DIS3L2: variants seen among roughly 807,000 people sequenced by gnomAD.
DIS3L2 encodes DIS3 like 3'-5' exoribonuclease 2, also known as DIS3-like exonuclease 2.
In DIS3L2, 34 loss-of-function variants were observed where a neutral mutation model predicts 97.5. The observed-to-expected ratio is 0.35, with a 90% CI of 0.27 to 0.46. The LOEUF (loss-of-function observed/expected upper bound fraction) is 0.46, where lower values mean the gene tolerates loss of function less well. DIS3L2 is among the 20% of genes least tolerant of loss of function. DIS3L2 has a pLI of 1.00. For synonymous variants in DIS3L2, 435 were observed against 445.2 expected (o/e 0.98, Z 0.29); for missense variants, 1,038 against 1,146.0 (o/e 0.91, Z 1.36).
chr2:231,963,129 C>T (rs530455295), intron 1 of DIS3L2, among the ~76,000 whole-genome samples: 1 of 152,208 alleles, frequency 6.6e-6, no homozygotes, highest in Non-Finnish European at 1.5e-5. Context: ...AATGGTGGCT[C>T]TTTAAGTTCT....
intron 5 of DIS3L2, among the ~76,000 whole-genome samples, chr2:232,080,522 C>A (rs972917578): frequency 6.6e-6 from 1 of 152,200 alleles, no homozygotes; most frequent in Non-Finnish European, 1.5e-5. Flanking sequence ...ACAGTCATAA[C>A]GAATTAATGA....
chr2:232,033,760 T>G (rs573750066), intron 5 of DIS3L2, among the ~76,000 whole-genome samples: 19 of 152,336 alleles, frequency 1.2e-4, no homozygotes, highest in Admixed American at 5.9e-4. Context: ...GTTTATGTGA[T>G]GGATTACATT....
At chr2:232,220,771 AGATC>A (rs746036268) in intron 10 of DIS3L2, among the ~76,000 whole-genome samples, 2 of 152,166 alleles carry the variant, frequency 1.3e-5, no homozygotes, top group Non-Finnish European at 2.9e-5. Context: ...GGTAGCAGAT[AGATC>A]TTAATGCCAT....
At chr2:232,010,722 G>T (rs1342795947) in intron 1 of DIS3L2, among the ~76,000 whole-genome samples, 2 of 152,120 alleles carry the variant, frequency 1.3e-5, no homozygotes, top group Non-Finnish European at 2.9e-5. Context: ...GATGCATAAG[G>T]CACAAAAATT....
chr2:232,004,765 A>T (rs1420410740), intron 1 of DIS3L2, among the ~76,000 whole-genome samples: 3 of 151,966 alleles, frequency 2.0e-5, no homozygotes, highest in African/African-American at 7.3e-5. Context: ...TGTTTTTAGT[A>T]GAGACGGGGT....
At chr2:232,233,230 G>T (rs370611383) in intron 10 of DIS3L2, among the ~76,000 whole-genome samples, 1 of 152,180 alleles carries the variant, frequency 6.6e-6, no homozygotes, top group African/African-American at 2.4e-5. Flanking sequence ...CTAAAACAAC[G>T]GATTTATTCC....
At chr2:232,255,131 C>T (rs1693525247) in intron 12 of DIS3L2, among the ~76,000 whole-genome samples, 1 of 152,156 alleles carries the variant, frequency 6.6e-6, no homozygotes, top group Non-Finnish European at 1.5e-5. Context: ...GCTGGGGGAA[C>T]AAAGTTCGGA....
At chr2:232,234,645 A>G (rs544678878) in intron 10 of DIS3L2, among the ~76,000 whole-genome samples, 4 of 152,316 alleles carry the variant, frequency 2.6e-5, no homozygotes, top group East Asian at 1.9e-4. Context: ...TATTATTTTT[A>G]TGATCATCAT....
chr2:232,267,095 A>C (rs939710159), intron 13 of DIS3L2, among the ~76,000 whole-genome samples: 1 of 152,204 alleles, frequency 6.6e-6, no homozygotes, highest in Admixed American at 6.5e-5. Context: ...GCAGTTGGCA[A>C]CTTAGACCGG....
intron 11 of DIS3L2, among the ~76,000 whole-genome samples, chr2:232,246,380 A>G (rs1408434216): frequency 6.6e-6 from 1 of 152,230 alleles, no homozygotes. Flanking sequence ...GCACACAGAC[A>G]GGTGAAGGGG....
chr2:232,334,488 G>T lies in DIS3L2; in HGVS notation c.2278G>T (p.Val760Phe). ...GCTCAGTACCAGTCTCTTCTTTGCTGTTCTGGTCAAGGTGAGCCCTCCAGC... is the reference window on the plus strand; with the variant it reads ...GCTCAGTACCAGTCTCTTCTTTGCTTTTCTGGTCAAGGTGAGCCCTCCAGC... ...QELSTSLFFAVLVKESGPLES... is the reference protein window; with the variant it reads ...QELSTSLFFAFLVKESGPLES... Residue 760 changes from valine to phenylalanine, a missense_variant, in exon 18 of 21, where the codon GTT becomes TTT. Val to Phe is a conservative substitution (Grantham distance 50, BLOSUM62 -1). Around this residue, in one of 3 missense-constraint regions of DIS3L2, gnomAD observed 221 missense variants for 246.9 expected, o/e 0.90. Transcript: ENST00000325385. 1 of 1,613,894 alleles carries T rather than the reference G, an allele frequency of 6.2e-7. No individual in the cohort carries two copies. The highest frequency in any genetic ancestry group is 1.1e-5 in the South Asian group (1 of 91,078).
At chr2:232,286,974 G>C (rs1222930045) in intron 13 of DIS3L2, among the ~76,000 whole-genome samples, 2 of 152,042 alleles carry the variant, frequency 1.3e-5, no homozygotes, top group Non-Finnish European at 2.9e-5. Context: ...AGGTAGAAGT[G>C]TTCACAAGCA....
chr2:232,108,739 C>G (rs939668185), intron 6 of DIS3L2, among the ~76,000 whole-genome samples: 1 of 152,174 alleles, frequency 6.6e-6, no homozygotes, highest in African/African-American at 2.4e-5. Flanking sequence ...GTGCAAAAAT[C>G]TCTAGCATTC....
At chr2:232,122,521 A>T (rs1697936274) in intron 6 of DIS3L2, among the ~76,000 whole-genome samples, 1 of 152,194 alleles carries the variant, frequency 6.6e-6, no homozygotes, top group Admixed American at 6.5e-5. Flanking sequence ...GTTCAAGACC[A>T]GCCTGACCAA....
rs555316115 is a variant in DIS3L2 at position 232,276,382 on chromosome 2, G to C, written c.1659+12942G>C. Among the ~76,000 whole-genome samples the C allele has an allele frequency of 7.2e-5, 11 of 152,316 alleles. No individual in the cohort carries two copies. Among genetic ancestry groups the C allele is most frequent in the East Asian group, 3.9e-4 (2 of 5,172 alleles). On this transcript the variant is annotated intron_variant, in intron 13 of 20. Coordinates refer to ENST00000325385, the MANE Select transcript of DIS3L2 (RefSeq NM_152383.5). This position sits in a 1 kb window ranked among gnomAD's most constrained non-coding sequence, Gnocchi z 4.4. Reference sequence around the variant, plus strand: ...AGCTCTCAGGCTTACCCACCTCCCTGGTGGCTATGCCAGAGCACAGCTGAG... The same window carrying C: ...AGCTCTCAGGCTTACCCACCTCCCTCGTGGCTATGCCAGAGCACAGCTGAG...
chr2:232,343,346 A>G, exon 14 of DIS3L2: 1 of 1,556,342 alleles, frequency 6.4e-7, no homozygotes, highest in South Asian at 1.2e-5. Context: ...AGGGCCCAGC[A>G]GAACGCAGAC....
At chr2:232,340,904 A>C (rs937931886), downstream of DIS3L2, 1 of 471,082 alleles carries the variant, frequency 2.1e-6, no homozygotes, top group African/African-American at 2.0e-5. Context: ...AACAAAAAAC[A>C]AGCTCCGTGG....
chr2:232,165,437 C>T (rs1478155518), intron 9 of DIS3L2, among the ~76,000 whole-genome samples: 3 of 152,194 alleles, frequency 2.0e-5, no homozygotes, highest in Non-Finnish European at 4.4e-5. Context: ...TTAACAGTGA[C>T]TACCATGGAG....
chr2:232,052,977 G>A (rs72989618), intron 5 of DIS3L2, among the ~76,000 whole-genome samples: 7 of 152,286 alleles, frequency 4.6e-5, no homozygotes, highest in Non-Finnish European at 7.3e-5. Flanking sequence ...CCTGTTCTGC[G>A]TTAGGCACTC....
Sources: gnomAD v4.1 joint callset for allele counts (sites outside exome capture counted in the v4.1 genomes callset) on GRCh38, gnomAD v4.1.1 for gene constraint, gnomAD v4.1.1 regional missense constraint, Gnocchi (gnomAD v3.1) non-coding constraint, MANE v1.5 for transcripts, NCBI Gene and HGNC (gene_info 2026-07-23, HGNC 2026-07-21) for gene names.